ZBTB46: variants seen among roughly 807,000 people sequenced by gnomAD.
The protein encoded by ZBTB46 is zinc finger and BTB domain-containing protein 46.
A neutral mutation model predicts 44.1 loss-of-function variants in ZBTB46; 8 were observed. That is an observed-to-expected ratio of 0.18 (90% confidence interval 0.11 to 0.33). ZBTB46 has a LOEUF of 0.33. Ranked by LOEUF, ZBTB46 falls within the 10% of genes least tolerant of loss-of-function variation. The pLI is 1.00. For synonymous variants in ZBTB46, 409 were observed against 382.3 expected (o/e 1.07, Z -0.81); for missense variants, 651 against 847.7 (o/e 0.77, Z 2.88).
intron 1 of ZBTB46, among the ~76,000 whole-genome samples, chr20:63,793,030 T>G (rs2092573517): frequency 6.6e-6 from 1 of 151,998 alleles, no homozygotes; most frequent in Admixed American, 6.6e-5. Flanking sequence ...CCCCTTCACT[T>G]CCTGCCCGCC....
chr20:63,769,508 G>C (rs1448286521), intron 3 of ZBTB46: 1 of 932,488 alleles, frequency 1.1e-6, no homozygotes, highest in East Asian at 1.2e-4. Context: ...TGCCCCAAGG[G>C]TCTCGCTGGA....
At chr20:63,799,762 G>A (rs561656704) in intron 1 of ZBTB46, among the ~76,000 whole-genome samples, 52 of 152,286 alleles carry the variant, frequency 3.4e-4, no homozygotes, top group African/African-American at 1.3e-3. Context: ...AGTGCGCCCG[G>A]AACCACAGCA....
chr20:63,812,076 C>G (rs1348852760), intron 1 of ZBTB46, among the ~76,000 whole-genome samples: 1 of 152,156 alleles, frequency 6.6e-6, no homozygotes, highest in African/African-American at 2.4e-5. Flanking sequence ...AAAACTCTCA[C>G]TAATAGGAAA....
intron 4 of ZBTB46, among the ~76,000 whole-genome samples, chr20:63,749,332 G>GTATTT (rs3068771): frequency 0.36 from 54,975 of 151,568 alleles, 10,094 homozygotes; most frequent in Admixed American, 0.4. Flanking sequence ...TTGTTTTGCT[G>GTATTT]TATTTTATTT....
chr20:63,758,976 G>A (rs2092250381), intron 3 of ZBTB46, among the ~76,000 whole-genome samples: 1 of 152,136 alleles, frequency 6.6e-6, no homozygotes, highest in Admixed American at 6.5e-5. Context: ...TCGTGATCCG[G>A]CCGCCTCGGC....
intron 3 of ZBTB46, 159 bp downstream of exon 3, chr20:63,775,519 G>A (rs965744136): frequency 1.0e-6 from 1 of 957,446 alleles, no homozygotes. Context: ...GCCAGTCCAG[G>A]CTGTGACGCC....
At chr20:63,821,255 A>C (rs1600724351) in intron 1 of ZBTB46, among the ~76,000 whole-genome samples, 2 of 145,164 alleles carry the variant, frequency 1.4e-5, no homozygotes, top group African/African-American at 2.6e-5. Context: ...CTCAGGATCC[A>C]CCCACCTCAG....
At chr20:63,766,495 C>G (rs986873109) in intron 3 of ZBTB46, among the ~76,000 whole-genome samples, 1 of 147,988 alleles carries the variant, frequency 6.8e-6, no homozygotes, top group African/African-American at 2.5e-5. Flanking sequence ...GGATCACAGG[C>G]ATGAGCCACT....
chr20:63,744,561 G>A lies in ZBTB46; in HGVS notation c.*2369C>T, dbSNP rs1040263605. 2 of 151,824 alleles carry A rather than the reference G, an allele frequency of 1.3e-5. No individual in the cohort carries two copies. Among genetic ancestry groups the A allele is most frequent in the African/African-American group, 4.9e-5 (2 of 41,222 alleles). The allele number at this position is 151,824 out of a possible 1,614,324, so 9.4% of individuals were successfully genotyped here. On this transcript the variant is annotated 3_prime_UTR_variant, in exon 5 of 5. Coordinates refer to ENST00000245663, the MANE Select transcript of ZBTB46 (RefSeq NM_001369741.1). Reference sequence around the variant, plus strand: ...AAAAATATTTATTAGTTTGAACATCGATTTAAAAAAAAATCAGTCACATAA... The same window carrying A: ...AAAAATATTTATTAGTTTGAACATCAATTTAAAAAAAAATCAGTCACATAA...
In ZBTB46 at chr20:63,773,943, C is replaced by T. The variant is rs376590221; in HGVS notation, c.1222+1735G>A. On this transcript the variant is annotated intron_variant, in intron 3 of 4. Transcript: ENST00000245663. ...GTACACTTTTGCATTTGAGAGGGGA[C>T]GGGGCCAACATCTTGGAGCATAAAT... Among the ~76,000 whole-genome samples the T allele has an allele frequency of 2.4e-4, 37 of 151,710 alleles. No individual in the cohort carries two copies. In the South Asian group the frequency reaches 6.2e-3, roughly 26 times the overall value.
At chr20:63,826,494 G>C (rs571572754) in intron 1 of ZBTB46, among the ~76,000 whole-genome samples, 1 of 152,010 alleles carries the variant, frequency 6.6e-6, no homozygotes, top group East Asian at 1.9e-4. Context: ...AGGCCGAGGC[G>C]GGTGAATCAT....
At chr20:63,826,151 T>G (rs1337381410) in intron 1 of ZBTB46, among the ~76,000 whole-genome samples, 1 of 152,250 alleles carries the variant, frequency 6.6e-6, no homozygotes, top group African/African-American at 2.4e-5. Flanking sequence ...TTTTCTTCAT[T>G]TTCTTCAGAG....
Position 63,746,984 on chromosome 20 carries a change from C to T in ZBTB46, c.1716G>A (p.Pro572=), listed in dbSNP as rs569967250. 66 of 1,605,750 alleles carry T rather than the reference C, an allele frequency of 4.1e-5. No homozygotes were observed. Among genetic ancestry groups the T allele is most frequent in the Middle Eastern group, 3.3e-4 (2 of 6,042 alleles). ...GGCCTCCTGGGGGGCTGCGCGGCCG[C>T]GGCGAGTCTTCCTCATCCTTGTCGT... The part of the protein sequence containing the change: ...LADDKDEEDS[P]RPRSPPGGPD... Residue 572 remains proline (P), a synonymous_variant, in exon 5 of 5, where the codon CCG becomes CCA. Transcript: ENST00000245663.
chr20:63,786,564 T>C (rs1348789327), intron 2 of ZBTB46, among the ~76,000 whole-genome samples: 1 of 152,090 alleles, frequency 6.6e-6, no homozygotes, highest in African/African-American at 2.4e-5. Context: ...CAGGCTGGAG[T>C]GCAGTGGCGC....
intron 1 of ZBTB46, among the ~76,000 whole-genome samples, chr20:63,822,552 C>T (rs1204742451): frequency 6.6e-6 from 1 of 152,218 alleles, no homozygotes; most frequent in Non-Finnish European, 1.5e-5. Flanking sequence ...ACAGCTTCCT[C>T]ACCCTCCCAC....
chr20:63,791,890 G>A (rs139925843), intron 1 of ZBTB46, among the ~76,000 whole-genome samples: 1,628 of 152,294 alleles, frequency 0.011, 99 homozygotes, highest in Admixed American at 0.091. Context: ...TGCTGGGGCC[G>A]CCCTATCAAG....
intron 4 of ZBTB46, among the ~76,000 whole-genome samples, chr20:63,748,953 T>C (rs1056292903): frequency 6.6e-6 from 1 of 152,214 alleles, no homozygotes; most frequent in African/African-American, 2.4e-5. Context: ...CTCCCCATCC[T>C]GGGGCTGGAC....
Position 63,767,447 on chromosome 20 carries a change from C to T in ZBTB46, c.1222+8231G>A, listed in dbSNP as rs186333197. Among the ~76,000 whole-genome samples the T allele has an allele frequency of 6.6e-6, 1 of 152,316 alleles. No homozygotes were observed. The highest frequency in any genetic ancestry group is 1.9e-4 in the East Asian group (1 of 5,186). On this transcript the variant is annotated intron_variant, in intron 3 of 4. Transcript: ENST00000245663. The surrounding 1 kb of genome is among the most constrained non-coding windows in gnomAD (Gnocchi z 5.0). ...CGAGAAATGACCACAGAAAGGCACA[C>T]ACCGGCTCCCAGTCACAGCTCTCCG...
chr20:63,819,849 C>G (rs1177219435), intron 1 of ZBTB46, among the ~76,000 whole-genome samples: 2 of 152,156 alleles, frequency 1.3e-5, no homozygotes, highest in African/African-American at 4.8e-5. Context: ...CGCATTTCAC[C>G]GTCCAGCAGA....
Sources: gnomAD v4.1 joint callset for allele counts (sites outside exome capture counted in the v4.1 genomes callset) on GRCh38, gnomAD v4.1.1 for gene constraint, Gnocchi (gnomAD v3.1) non-coding constraint, MANE v1.5 for transcripts, NCBI Gene and HGNC (gene_info 2026-07-23, HGNC 2026-07-21) for gene names.